The following EVI5 variants were observed in gnomAD, a reference collection of about 807,000 sequenced individuals.
EVI5 encodes ecotropic viral integration site 5 protein homolog.
In EVI5, 73 loss-of-function variants were observed where a neutral mutation model predicts 112.0. The ratio of observed to expected loss-of-function variants is 0.65; its 90% confidence interval spans 0.54 to 0.79. The LOEUF (loss-of-function observed/expected upper bound fraction) is 0.79. EVI5 is among the 30% of genes least tolerant of loss of function. EVI5 has a pLI of 0.00. For synonymous variants in EVI5, 305 were observed against 319.9 expected (o/e 0.95, Z 0.50); for missense variants, 900 against 968.8 (o/e 0.93, Z 0.94).
chr1:92,559,160 T>C lies in EVI5; in HGVS notation c.2166+4482A>G, dbSNP rs188162853. On this transcript the variant is annotated intron_variant, in intron 19 of 19. Coordinates refer to ENST00000684568, the MANE Select transcript of EVI5 (RefSeq NM_001350197.2). ...AATGTTAATGCAATATAAACTGTTA[T>C]ACTGTATTGTTTAGGGAATAATGAT... 9.6e-4 allele frequency among the ~76,000 whole-genome samples: 147 copies of C among 152,334 alleles called. 1 individual carries two copies. The highest frequency in any genetic ancestry group is 1.9e-3 in the South Asian group (9 of 4,828).
rs375521811 is a variant in EVI5, at chr1:92,770,587, A to G, written c.-82+14249T>C. On this transcript the variant is annotated intron_variant, in intron 1 of 19. Transcript: ENST00000684568. ...GGGCTGATCACGAGGTCAGGAGATC[A>G]AGACCATCCTGGCTAACACAGTGAA... Among the ~76,000 whole-genome samples the G allele has an allele frequency of 4.3e-4, 66 of 152,186 alleles. No homozygotes were observed. The East Asian group carries it at 8.4e-3, about 19-fold the overall frequency.
chr1:92,783,759 C>T (rs1170529071), intron 1 of EVI5, among the ~76,000 whole-genome samples: 1 of 143,148 alleles, frequency 7.0e-6, no homozygotes, highest in East Asian at 2.1e-4. Context: ...TTGCAGTGAA[C>T]CAACGTCGCC....
At chr1:92,581,616 T>G (rs1429545091) in intron 18 of EVI5, among the ~76,000 whole-genome samples, 1 of 152,172 alleles carries the variant, frequency 6.6e-6, no homozygotes, top group East Asian at 1.9e-4. Flanking sequence ...GCTTCTTTTG[T>G]TAGCTGTCAC....
intron 18 of EVI5, among the ~76,000 whole-genome samples, chr1:92,581,008 CTAAA>C (rs1370037624): frequency 6.6e-6 from 1 of 152,128 alleles, no homozygotes; most frequent in Admixed American, 6.5e-5. Context: ...TTTCTTTCTG[CTAAA>C]TAATAATCAA....
At chr1:92,656,897 C>T (rs1293810396) in intron 13 of EVI5, among the ~76,000 whole-genome samples, 2 of 152,048 alleles carry the variant, frequency 1.3e-5, no homozygotes. Context: ...TAACAAATCT[C>T]CCAACAAGAA....
intron 18 of EVI5, among the ~76,000 whole-genome samples, chr1:92,580,115 C>T (rs1403572077): frequency 1.3e-5 from 2 of 152,150 alleles, no homozygotes; most frequent in African/African-American, 4.8e-5. Flanking sequence ...CTAAAGAAAA[C>T]CCATGAGGCT....
chr1:92,761,898 G>A (rs1458430311), intron 1 of EVI5, among the ~76,000 whole-genome samples: 1 of 151,508 alleles, frequency 6.6e-6, no homozygotes, highest in Non-Finnish European at 1.5e-5. Flanking sequence ...TTCTGTAAAT[G>A]GGAATAAACG....
intron 18 of EVI5, among the ~76,000 whole-genome samples, chr1:92,590,344 G>C (rs1384283997): frequency 2.0e-5 from 3 of 152,114 alleles, no homozygotes; most frequent in Admixed American, 2.0e-4. Flanking sequence ...TCGAACCCAT[G>C]GCAAAGAAGT....
intron 19 of EVI5, among the ~76,000 whole-genome samples, chr1:92,536,256 T>G (rs181513081): frequency 6.6e-6 from 1 of 152,330 alleles, no homozygotes; most frequent in Non-Finnish European, 1.5e-5. Context: ...TCTGTGTGTA[T>G]TAAACAATGC....
chr1:92,581,250 A>G (rs903533142), intron 18 of EVI5, among the ~76,000 whole-genome samples: 1 of 152,248 alleles, frequency 6.6e-6, no homozygotes, highest in African/African-American at 2.4e-5. Flanking sequence ...TAGCTAAACA[A>G]GGGCTCTTCT....
At chr1:92,669,998 A>G (rs1665592513) in intron 10 of EVI5, among the ~76,000 whole-genome samples, 1 of 152,224 alleles carries the variant, frequency 6.6e-6, no homozygotes, top group Non-Finnish European at 1.5e-5. Context: ...AAGTGAGAGC[A>G]AGAATGAAAT....
At chr1:92,632,555 G>A (rs1657416353) in intron 14 of EVI5, among the ~76,000 whole-genome samples, 1 of 151,938 alleles carries the variant, frequency 6.6e-6, no homozygotes, top group African/African-American at 2.4e-5. Flanking sequence ...GCGTCTATTT[G>A]ATTATTCTCT....
chr1:92,756,719 A>G (rs558975546), intron 1 of EVI5: 3 of 486,666 alleles, frequency 6.2e-6, no homozygotes, highest in South Asian at 4.8e-5. Flanking sequence ...GCCATCCTAC[A>G]TCAACCAAGC....
At chr1:92,788,683 G>A (rs10782943), upstream of EVI5, among the ~76,000 whole-genome samples, 138,329 of 151,884 alleles carry the variant, frequency 0.91, 63,066 homozygotes, top group South Asian at 0.97. Flanking sequence ...AGTCCCAGCT[G>A]CTCGGGAGGC....
At chr1:92,624,044 G>T (rs1204126200) in intron 16 of EVI5, 132 bp downstream of exon 16, 1 of 705,642 alleles carries the variant, frequency 1.4e-6, no homozygotes, top group Admixed American at 2.8e-5. Context: ...TCTTCATTTG[G>T]GCTAGAAAAC....
chr1:92,773,067 T>C (rs1424739103), intron 1 of EVI5, among the ~76,000 whole-genome samples: 1 of 149,146 alleles, frequency 6.7e-6, no homozygotes, highest in Non-Finnish European at 1.5e-5. Context: ...ATTAGCCGGA[T>C]GTGGTGGCAC....
At chr1:92,630,238 G>A (rs562089188) in intron 14 of EVI5, among the ~76,000 whole-genome samples, 4 of 152,198 alleles carry the variant, frequency 2.6e-5, no homozygotes, top group South Asian at 2.1e-4. Context: ...CTGAGGAATC[G>A]CCACACTGAC....
intron 18 of EVI5, among the ~76,000 whole-genome samples, chr1:92,594,002 A>G (rs1674473889): frequency 1.3e-5 from 2 of 152,222 alleles, no homozygotes; most frequent in South Asian, 4.1e-4. Context: ...TGTCCAAGGT[A>G]ATTTATAGAT....
chr1:92,756,782 T>G lies in EVI5; in HGVS notation c.-81-20155A>C, dbSNP rs182445341. The stretch of plus-strand genomic sequence containing the variant: ...CACGCCTCATCTTACAAGCTACAGA[T>G]GTGTCCTCCTGGCTTCCAAACTAGT... On this transcript the variant is annotated intron_variant, in intron 1 of 19. Coordinates refer to ENST00000684568, the MANE Select transcript of EVI5 (RefSeq NM_001350197.2). The G allele has an allele frequency of 1.9e-3, 978 of 514,358 alleles. 2 individuals carry two copies. The highest frequency in any genetic ancestry group is 2.9e-3 in the Admixed American group (145 of 50,014). The allele number at this position is 514,358 out of a possible 1,614,324, so 31.9% of individuals were successfully genotyped here. A position where few individuals can be genotyped will look rare whatever the true frequency, so the allele number is the denominator to read the frequency against.
Sources: gnomAD v4.1 joint callset for allele counts (sites outside exome capture counted in the v4.1 genomes callset) on GRCh38, gnomAD v4.1.1 for gene constraint, MANE v1.5 for transcripts, NCBI Gene and HGNC (gene_info 2026-07-23, HGNC 2026-07-21) for gene names.